The following C14orf132 variants were observed in gnomAD, a reference collection of about 807,000 sequenced individuals.
The protein encoded by C14orf132 is chromosome 14 open reading frame 132, also known as uncharacterized protein C14orf132.
C14orf132 carries 6 observed loss-of-function variants against 5.8 expected under a neutral mutation model. The ratio of observed to expected loss-of-function variants is 1.03; its 90% CI spans 0.57 to 2.04. The LOEUF is 2.04. Ranked by LOEUF, C14orf132 falls within the 30% of genes most tolerant of loss-of-function variation. C14orf132 has a pLI of 0.00. For synonymous variants in C14orf132, 51 were observed against 49.8 expected, an observed-to-expected ratio of 1.02 and a Z score of -0.10; for missense variants, 125 against 115.8, an observed-to-expected ratio of 1.08 and a Z score of -0.37.
intron 1 of C14orf132, among the ~76,000 whole-genome samples, chr14:96,052,271 T>C (rs1271587136): frequency 6.6e-6 from 1 of 152,246 alleles, no homozygotes; most frequent in Non-Finnish European, 1.5e-5. Flanking sequence ...GAGTGGATTG[T>C]GGCTGAAGCC....
intron 1 of C14orf132, among the ~76,000 whole-genome samples, chr14:96,044,707 C>A (rs1346923598): frequency 6.6e-6 from 1 of 152,130 alleles, no homozygotes; most frequent in Non-Finnish European, 1.5e-5. Flanking sequence ...CACAGTGTTA[C>A]CTGCAGTCCT....
chr14:96,068,678 G>A (rs1887608940), intron 1 of C14orf132, among the ~76,000 whole-genome samples: 4 of 152,128 alleles, frequency 2.6e-5, no homozygotes, highest in South Asian at 2.1e-4. Flanking sequence ...AGCAAAAGCC[G>A]ATGCACCTGG....
At position 96,039,607 on chromosome 14, in the gene C14orf132, G is replaced by A. The variant is rs1303891372; in HGVS notation, c.27+80G>A. Reference sequence around the variant, plus strand: ...GGCCACGGTCTCGCCCTCCACGCTGGGGCTGGGCAGTGGCGCCCGCCCGCG... The same window carrying A: ...GGCCACGGTCTCGCCCTCCACGCTGAGGCTGGGCAGTGGCGCCCGCCCGCG... On this transcript the variant is annotated intron_variant, in intron 1 of 1. Transcript: ENST00000555004. This position sits in a 1 kb window ranked among gnomAD's most constrained non-coding sequence, Gnocchi z 5.3. 7.3e-7 allele frequency: 1 copy of A among 1,369,502 alleles called. No homozygotes were observed. Among genetic ancestry groups the A allele is most frequent in the Non-Finnish European group, 9.6e-7 (1 of 1,041,770 alleles). The allele number at this position is 1,369,502 out of a possible 1,614,324, so 84.8% of individuals were successfully genotyped here. A position where few individuals can be genotyped will look rare whatever the true frequency, so the allele number is the denominator to read the frequency against.
At chr14:96,051,715 C>G (rs923005884) in intron 1 of C14orf132, among the ~76,000 whole-genome samples, 1 of 152,220 alleles carries the variant, frequency 6.6e-6, no homozygotes, top group Non-Finnish European at 1.5e-5. Context: ...TCCTTCTTCT[C>G]TTCCTATGGA....
In C14orf132 at chr14:96,093,120, T is replaced by G. The variant is rs923534653; in HGVS notation, c.*6385T>G. 1.3e-5 allele frequency: 2 copies of G among 152,248 alleles called. No homozygotes were observed. The allele number at this position is 152,248 out of a possible 1,614,324, so 9.4% of individuals were successfully genotyped here. A position where few individuals can be genotyped will look rare whatever the true frequency, so the allele number is the denominator to read the frequency against. On this transcript the variant is annotated 3_prime_UTR_variant, in exon 2 of 2. Transcript: ENST00000555004. ...GCAGCAGTGATCATGGTCACTGCCC[T>G]GCGTTCAAATAATGCGAGCTGAGGA...
chr14:96,039,458 C>T lies in C14orf132; in HGVS notation c.-43C>T. 2 of 1,480,760 alleles carry T rather than the reference C, an allele frequency of 1.4e-6. No homozygotes were observed. The highest frequency in any genetic ancestry group is 1.8e-6 in the Non-Finnish European group (2 of 1,116,132). 91.7% of individuals were successfully genotyped at this position (1,480,760 alleles called of 1,614,324 possible). A position where few individuals can be genotyped will look rare whatever the true frequency, so the allele number is the denominator to read the frequency against. On this transcript the variant is annotated 5_prime_UTR_variant, in exon 1 of 2. Coordinates refer to ENST00000555004, the MANE Select transcript of C14orf132 (RefSeq NM_001252507.3). The surrounding 1 kb of genome is among the most constrained non-coding windows in gnomAD (Gnocchi z 5.3). ...TGTGCAGGCGGCTGACCCGCAGCGGCAGCGGCAGCAGCGAGGACTCGAGCG... is the reference window on the plus strand; with the variant it reads ...TGTGCAGGCGGCTGACCCGCAGCGGTAGCGGCAGCAGCGAGGACTCGAGCG...
At chr14:96,049,692 C>T (rs1203694480) in intron 1 of C14orf132, among the ~76,000 whole-genome samples, 2 of 138,362 alleles carry the variant, frequency 1.4e-5, no homozygotes, top group Non-Finnish European at 3.1e-5. Context: ...TCTCTCTCCT[C>T]TTCTTTTGGG....
intron 1 of C14orf132, among the ~76,000 whole-genome samples, chr14:96,070,600 A>T (rs61982759): frequency 0.49 from 63,399 of 130,082 alleles, 14,108 homozygotes; most frequent in East Asian, 0.64. Flanking sequence ...TCTCTCTCAC[A>T]CACACACACA....
rs947632287 is a variant in C14orf132, at chr14:96,091,200, G to A, written c.*4465G>A. Reference sequence around the variant, plus strand: ...ATGCCCACCAGGGTGATCCCCCTGGGATGGACCATCTCGGGATATGAGGCC... The same window carrying A: ...ATGCCCACCAGGGTGATCCCCCTGGAATGGACCATCTCGGGATATGAGGCC... On this transcript the variant is annotated 3_prime_UTR_variant, in exon 2 of 2. Coordinates refer to ENST00000555004, the MANE Select transcript of C14orf132 (RefSeq NM_001252507.3). 6.0e-5 allele frequency: 22 copies of A among 363,916 alleles called. No individual in the cohort carries two copies. Among genetic ancestry groups the A allele is most frequent in the Middle Eastern group, 7.7e-4 (1 of 1,294 alleles). 22.5% of individuals were successfully genotyped at this position (363,916 alleles called of 1,614,324 possible). A position where few individuals can be genotyped will look rare whatever the true frequency, so the allele number is the denominator to read the frequency against.
intron 1 of C14orf132, among the ~76,000 whole-genome samples, chr14:96,081,352 C>T (rs1296353645): frequency 6.6e-6 from 1 of 152,202 alleles, no homozygotes; most frequent in African/African-American, 2.4e-5. Flanking sequence ...ACTGAGAAAC[C>T]TCTGCCTCAG....
intron 1 of C14orf132, among the ~76,000 whole-genome samples, chr14:96,067,216 C>T (rs1440422853): frequency 6.6e-6 from 1 of 152,184 alleles, no homozygotes; most frequent in Admixed American, 6.5e-5. Context: ...CTGTCAAAGG[C>T]AGTCGCGCCA....
At position 96,091,062 on chromosome 14, in the gene C14orf132, G is replaced by A. The variant is rs759178938; in HGVS notation, c.*4327G>A. 8 of 453,848 alleles carry A rather than the reference G, an allele frequency of 1.8e-5. No homozygotes were observed. The highest frequency in any genetic ancestry group is 2.7e-5 in the Non-Finnish European group (6 of 225,594). 28.1% of individuals were successfully genotyped at this position (453,848 alleles called of 1,614,324 possible). A position where few individuals can be genotyped will look rare whatever the true frequency, so the allele number is the denominator to read the frequency against. On this transcript the variant is annotated 3_prime_UTR_variant, in exon 2 of 2. Coordinates refer to ENST00000555004, the MANE Select transcript of C14orf132 (RefSeq NM_001252507.3). Reference sequence around the variant, plus strand: ...GGAATGAGGATGCAGAGAGATGCACGTTAATTACTGTCGCATTTTTCTGTG... The same window carrying A: ...GGAATGAGGATGCAGAGAGATGCACATTAATTACTGTCGCATTTTTCTGTG...
At chr14:96,060,044 C>A (rs1244511160) in intron 1 of C14orf132, among the ~76,000 whole-genome samples, 1 of 152,234 alleles carries the variant, frequency 6.6e-6, no homozygotes, top group Non-Finnish European at 1.5e-5. Flanking sequence ...TCCCCTCCTT[C>A]AGTGCTGGAT....
intron 1 of C14orf132, among the ~76,000 whole-genome samples, chr14:96,042,256 G>A (rs1886712084): frequency 6.6e-6 from 1 of 152,232 alleles, no homozygotes; most frequent in African/African-American, 2.4e-5. Context: ...TGGGGTGCAG[G>A]AGGGCTGGGA....
At chr14:96,063,457 C>T (rs570645115) in intron 1 of C14orf132, among the ~76,000 whole-genome samples, 4 of 152,140 alleles carry the variant, frequency 2.6e-5, no homozygotes, top group South Asian at 4.2e-4. Flanking sequence ...TACAGGCAAA[C>T]GCCACCACGT....
intron 1 of C14orf132, among the ~76,000 whole-genome samples, chr14:96,067,476 GA>G (rs147038853): frequency 0.038 from 5,737 of 152,216 alleles, 129 homozygotes; most frequent in Non-Finnish European, 0.056. Context: ...AAGGGGAGCA[GA>G]TCACCTCAGG....
rs76345230 is a variant in C14orf132 at position 96,076,972 on chromosome 14, T to C, written c.28-9539T>C. On this transcript the variant is annotated intron_variant, in intron 1 of 1. Coordinates refer to ENST00000555004, the MANE Select transcript of C14orf132 (RefSeq NM_001252507.3). ...AGATTTCCCCAATGTCTTTCTGTTA[T>C]TGACTCCTAGTTTAATTCCATTATG... Among the ~76,000 whole-genome samples the C allele has an allele frequency of 0.017, 2,653 of 152,338 alleles. 245 individuals are homozygous for C. The East Asian group carries it at 0.28, about 16-fold the overall frequency.
intron 1 of C14orf132, among the ~76,000 whole-genome samples, chr14:96,063,720 T>C (rs1331083225): frequency 6.6e-6 from 1 of 152,126 alleles, no homozygotes; most frequent in African/African-American, 2.4e-5. Flanking sequence ...GATAAATAGC[T>C]GGGACCTAAT....
At chr14:96,049,549 TATACATATATAC>T (rs1292573956) in intron 1 of C14orf132, among the ~76,000 whole-genome samples, 39 of 137,574 alleles carry the variant, frequency 2.8e-4, no homozygotes, top group Non-Finnish European at 4.8e-4. Flanking sequence ...TACGTATATA[TATACATATATAC>T]GTATATATAC....
Sources: allele counts gnomAD v4.1 joint callset (sites outside exome capture counted in the v4.1 genomes callset), GRCh38; gene constraint gnomAD v4.1.1; non-coding constraint Gnocchi (gnomAD v3.1); transcripts MANE v1.5; gene names NCBI Gene and HGNC (gene_info 2026-07-23, HGNC 2026-07-21).